IFITM10: variants seen among roughly 807,000 people sequenced by gnomAD.
IFITM10 encodes the protein interferon-induced transmembrane protein 10.
IFITM10 carries 17 observed loss-of-function variants against 19.0 expected under a neutral mutation model. The ratio of observed to expected loss-of-function variants is 0.90; its 90% CI spans 0.61 to 1.34. The LOEUF is 1.34. IFITM10 is among the 40% of genes most tolerant of loss of function. The probability of loss-of-function intolerance (pLI) is 0.00; values close to 1 mark genes in which losing one functional copy is unlikely to be tolerated. For missense variants in IFITM10, 306 were observed against 319.8 expected (o/e 0.96, Z 0.33); for synonymous variants, 148 against 147.2 (o/e 1.01, Z -0.04).
rs1851066182 is a variant in IFITM10 at position 1,734,814 on chromosome 11, T to C, written c.*466A>G. On this transcript the variant is annotated 3_prime_UTR_variant, in exon 3 of 3. Transcript: ENST00000340134. ...GAAGGCTGGGCTGGAGCTGCATGGG[T>C]ATTTCATTGAAAGTTCACAGACACA... The C allele has an allele frequency of 6.3e-6, 1 of 157,944 alleles. No individual in the cohort carries two copies. The highest frequency in any genetic ancestry group is 1.4e-5 in the Non-Finnish European group (1 of 72,058). The allele number at this position is 157,944 out of a possible 1,614,324, so 9.8% of individuals were successfully genotyped here.
chr11:1,750,557 C>G lies in IFITM10; in HGVS notation c.-115G>C. On this transcript the variant is annotated 5_prime_UTR_variant, in exon 1 of 3. Coordinates refer to ENST00000340134, the MANE Select transcript of IFITM10 (RefSeq NM_001170820.4). ...CTGGAAGGCCAGTCCTGCTTGGGGT[C>G]CTGTCTGCCTGCCTGTGCCTGACTC... The G allele has an allele frequency of 7.4e-7, 1 of 1,345,322 alleles. No homozygotes were observed. The highest frequency in any genetic ancestry group is 1.0e-6 in the Non-Finnish European group (1 of 979,814). The allele number at this position is 1,345,322 out of a possible 1,614,324, so 83.3% of individuals were successfully genotyped here. A position where few individuals can be genotyped will look rare whatever the true frequency, so the allele number is the denominator to read the frequency against.
At chr11:1,749,210 C>T (rs144722223) in intron 1 of IFITM10, 14,235 of 530,744 alleles carry the variant, frequency 0.027, 241 homozygotes, top group Middle Eastern at 0.038. Context: ...AGCGCCAGAC[C>T]GGCCGCGCGG....
chr11:1,741,429 G>C (rs914417406), intron 2 of IFITM10, among the ~76,000 whole-genome samples: 4 of 152,052 alleles, frequency 2.6e-5, no homozygotes, highest in Non-Finnish European at 4.4e-5. Context: ...ATGGTGCTGG[G>C]TGGGTAGAGG....
intron 2 of IFITM10, chr11:1,744,655 A>C (rs1845615991): frequency 6.6e-6 from 1 of 152,176 alleles, no homozygotes; most frequent in South Asian, 2.1e-4. Flanking sequence ...GGGTGGATGG[A>C]TGGCTGGACG....
rs1851048458 is a variant in IFITM10, at chr11:1,733,336, AC to A, written c.*1943del. On this transcript the variant is annotated 3_prime_UTR_variant, in exon 3 of 3. Transcript: ENST00000340134. This position sits in a 1 kb window ranked among gnomAD's most constrained non-coding sequence, Gnocchi z 6.3. ...TGCTCAAGAGTCCCACATGGTCCCC[AC>A]CCTGTCCCCTCTCTCGACTCTGACC... The A allele has an allele frequency of 6.6e-6, 1 of 150,746 alleles. No individual in the cohort carries two copies. The highest frequency in any genetic ancestry group is 1.5e-5 in the Non-Finnish European group (1 of 67,754). The allele number at this position is 150,746 out of a possible 1,614,324, so 9.3% of individuals were successfully genotyped here. A position where few individuals can be genotyped will look rare whatever the true frequency, so the allele number is the denominator to read the frequency against.
Position 1,745,479 on chromosome 11 carries a change from TAC to T in IFITM10, c.537+2186_537+2187del, listed in dbSNP as rs138300357. On this transcript the variant is annotated intron_variant, in intron 2 of 2. Transcript: ENST00000340134. The stretch of plus-strand genomic sequence containing the variant: ...AGGGGCCCTTTTCCTTTGTTGCTTC[TAC>T]ACACACACACACACGCAGGAATACT... The T allele has an allele frequency of 5.3e-5, 8 of 151,904 alleles. No homozygotes were observed. The South Asian group carries it at 8.3e-4, about 16-fold the overall frequency. 9.4% of individuals were successfully genotyped at this position (151,904 alleles called of 1,614,324 possible).
intron 1 of IFITM10, chr11:1,748,753 T>G (rs551685023): frequency 6.6e-6 from 1 of 152,334 alleles, no homozygotes; most frequent in East Asian, 1.9e-4. Context: ...CTCCAACTCG[T>G]GCGCACCGCC....
chr11:1,745,896 G>C (rs1231072318), intron 2 of IFITM10: 1 of 147,600 alleles, frequency 6.8e-6, no homozygotes, highest in East Asian at 2.1e-4. Context: ...TGCACACTCA[G>C]GTACATACAG....
At chr11:1,749,945 C>T (rs570131125) in intron 1 of IFITM10, among the ~76,000 whole-genome samples, 1 of 152,200 alleles carries the variant, frequency 6.6e-6, no homozygotes, top group East Asian at 1.9e-4. Context: ...GCCTCTCCTG[C>T]GCAGACCCCA....
At chr11:1,736,274 C>G (rs2133639977) in intron 2 of IFITM10, among the ~76,000 whole-genome samples, 1 of 152,318 alleles carries the variant, frequency 6.6e-6, no homozygotes, top group South Asian at 2.1e-4. Context: ...CTGGGGCTGA[C>G]TAATGCCTGG....
intron 2 of IFITM10, among the ~76,000 whole-genome samples, chr11:1,740,134 T>C (rs989471646): frequency 1.3e-5 from 2 of 151,764 alleles, no homozygotes; most frequent in Non-Finnish European, 1.5e-5. Flanking sequence ...ACCCTGTCTC[T>C]ACTAAAAATA....
chr11:1,747,140 C>T (rs1331973306), intron 2 of IFITM10, among the ~76,000 whole-genome samples: 1 of 152,118 alleles, frequency 6.6e-6, no homozygotes, highest in Non-Finnish European at 1.5e-5. Flanking sequence ...CCCTGGCCAC[C>T]CAGGTCTGGT....
At chr11:1,737,342 A>T (rs1851098280) in intron 2 of IFITM10, among the ~76,000 whole-genome samples, 1 of 152,246 alleles carries the variant, frequency 6.6e-6, no homozygotes. Context: ...AATCATATCT[A>T]CAGCAAATAC....
intron 1 of IFITM10, among the ~76,000 whole-genome samples, chr11:1,749,683 C>T (rs932117895): frequency 6.6e-6 from 1 of 151,916 alleles, no homozygotes. Flanking sequence ...CAGCAGGCCC[C>T]CTACCTGACT....
intron 1 of IFITM10, 96 bp downstream of exon 1, chr11:1,750,263 G>T: frequency 6.5e-7 from 1 of 1,544,642 alleles, no homozygotes; most frequent in East Asian, 2.4e-5. Context: ...GTCCCCATGA[G>T]TTCCTCCCCA....
chr11:1,742,400 T>C (rs1358184116), intron 2 of IFITM10, among the ~76,000 whole-genome samples: 1 of 152,046 alleles, frequency 6.6e-6, no homozygotes, highest in Non-Finnish European at 1.5e-5. Context: ...AATTTATGCA[T>C]GAGCGGTTAG....
chr11:1,747,932 G>T lies in IFITM10; in HGVS notation c.272C>A (p.Pro91His). ...PALQAPAAPA[P>H]EPSASPPMAP... ...CATCGGGGGAGAGGCCGAGGGCTCA[G>T]GGGCAGGGGCCGCCGGAGCCTGCAG... Residue 91 changes from proline (P) to histidine (H), a missense_variant, in exon 2 of 3, where the codon CCT (proline) becomes CAT (histidine). Pro to His is a moderately conservative substitution (Grantham distance 77). Transcript: ENST00000340134. The T allele has an allele frequency of 6.8e-7, 1 of 1,479,330 alleles. No individual in the cohort carries two copies. The highest frequency in any genetic ancestry group is 9.0e-7 in the Non-Finnish European group (1 of 1,112,028). 91.6% of individuals were successfully genotyped at this position (1,479,330 alleles called of 1,614,324 possible).
At chr11:1,750,315 C>A in intron 1 of IFITM10, 44 bp downstream of exon 1, 1 of 1,550,514 alleles carries the variant, frequency 6.4e-7, no homozygotes, top group Non-Finnish European at 8.7e-7. Flanking sequence ...CCAAGTCCCC[C>A]ACTTCACCAC....
At chr11:1,737,217 CTATT>C (rs767148230) in intron 2 of IFITM10, among the ~76,000 whole-genome samples, 3 of 149,664 alleles carry the variant, frequency 2.0e-5, no homozygotes, top group South Asian at 4.3e-4. Context: ...TAGTCTTAGT[CTATT>C]TATTGTTTTT....
Sources: gnomAD v4.1 joint callset for allele counts (sites outside exome capture counted in the v4.1 genomes callset) on GRCh38, gnomAD v4.1.1 for gene constraint, Gnocchi (gnomAD v3.1) non-coding constraint, MANE v1.5 for transcripts, NCBI Gene and HGNC (gene_info 2026-07-23, HGNC 2026-07-21) for gene names.